Variants in SET observed in about 807,000 individuals in gnomAD.
The protein encoded by SET is SET nuclear proto-oncogene.
SET carries 4 observed loss-of-function variants against 39.0 expected under a neutral mutation model. That is an observed-to-expected ratio of 0.10 (90% confidence interval 0.05 to 0.23). The LOEUF is 0.23. Ranked by LOEUF, SET falls within the 10% of genes least tolerant of loss-of-function variation. SET has a pLI of 1.00. For synonymous variants in SET, 114 were observed against 115.9 expected (o/e 0.98, Z 0.11); for missense variants, 137 against 329.7 (o/e 0.42, Z 4.53).
Position 128,689,452 on chromosome 9 carries a change from G to A in SET, c.-131G>A. The A allele has an allele frequency of 2.5e-6, 1 of 406,220 alleles. No individual in the cohort carries two copies. Among genetic ancestry groups the A allele is most frequent in the East Asian group, 5.5e-5 (1 of 18,322 alleles). The allele number at this position is 406,220 out of a possible 1,614,324, so 25.2% of individuals were successfully genotyped here. On this transcript the variant is annotated 5_prime_UTR_variant, in exon 1 of 8. Transcript: ENST00000322030. ...CGAGCGAGGGGGAGGGAGAGCGAGCGAGCGCCGGGAGGAGGCGGCCGGACC... is the reference window on the plus strand; with the variant it reads ...CGAGCGAGGGGGAGGGAGAGCGAGCAAGCGCCGGGAGGAGGCGGCCGGACC...
exon 1 of SET, chr9:128,683,835 T>G (rs1303763329): frequency 6.3e-6 from 9 of 1,418,310 alleles, no homozygotes; most frequent in East Asian, 2.5e-5. Context: ...GTCTCAGTGT[T>G]CAGCCTGCTT....
At position 128,692,684 on chromosome 9, in the gene SET, A is replaced by G; in HGVS notation, c.297A>G (p.Glu99=). 1 of 1,611,382 alleles carries G rather than the reference A, an allele frequency of 6.2e-7. No individual in the cohort carries two copies. The highest frequency in any genetic ancestry group is 2.2e-5 in the East Asian group (1 of 44,862). The change falls in exon 4 of 8, where the codon GAA becomes GAG. Residue 99 remains glutamate (E), a synonymous_variant. Transcript: ENST00000322030. ...HPQVSALLGE[E]DEEALHYLTR... ...TAGTGTCTGCACTGCTTGGGGAGGA[A>G]GATGAAGAGGCACTGCATTATTTGA...
chr9:128,691,786 C>G, intron 2 of SET, 72 bp from the exon 3 acceptor site: 2 of 1,427,460 alleles, frequency 1.4e-6, no homozygotes, highest in Non-Finnish European at 1.9e-6. Context: ...AGTAAATACA[C>G]TCTGTAATCT....
At chr9:128,693,102 A>G in intron 5 of SET, 121 bp downstream of exon 5, 1 of 684,708 alleles carries the variant, frequency 1.5e-6, no homozygotes, top group Non-Finnish European at 2.5e-6. Flanking sequence ...AAAATATAAA[A>G]CGTTCCAGTG....
intron 1 of SET, chr9:128,689,904 G>T (rs1316004931): frequency 1.1e-5 from 2 of 178,624 alleles, no homozygotes; most frequent in South Asian, 1.7e-4. Context: ...GCGGGCGGAG[G>T]AGACCCCCCC....
Position 128,693,718 on chromosome 9 carries a change from C to A in SET, c.573C>A (p.Thr191=), listed in dbSNP as rs756532220. ...RQHEEPESFF[T]WFTDHSDAGA... is the part of the protein sequence containing the mutation. ...ATGAGGAACCAGAGAGCTTCTTTAC[C>A]TGGTTTACTGACCATTCTGATGCAG... The change falls in exon 6 of 8, where the codon ACC becomes ACA. Residue 191 remains threonine, a synonymous_variant. Transcript: ENST00000322030. The A allele has an allele frequency of 6.2e-7, 1 of 1,613,632 alleles. No homozygotes were observed. Among genetic ancestry groups the A allele is most frequent in the African/African-American group, 1.3e-5 (1 of 74,900 alleles).
At chr9:128,685,113 G>C, upstream of SET, 2 of 1,556,354 alleles carry the variant, frequency 1.3e-6, no homozygotes, top group Non-Finnish European at 1.7e-6. Flanking sequence ...CCTACCTCAG[G>C]GCTCAGTGTG....
At chr9:128,688,277 G>C (rs1265261879), upstream of SET, among the ~76,000 whole-genome samples, 1 of 152,184 alleles carries the variant, frequency 6.6e-6, no homozygotes, top group Non-Finnish European at 1.5e-5. Context: ...GTCTTGGGGT[G>C]CTGGAGGGAC....
chr9:128,696,284 C>G lies in SET; in HGVS notation c.*1620C>G, dbSNP rs1207187535. On this transcript the variant is annotated 3_prime_UTR_variant, in exon 8 of 8. Transcript: ENST00000322030. ...CATCAATAGGCAAAAGTGTAACAACCTATCTAGATGGATAGTATGTAATTT... is the reference window on the plus strand; with the variant it reads ...CATCAATAGGCAAAAGTGTAACAACGTATCTAGATGGATAGTATGTAATTT... 5.1e-6 allele frequency: 1 copy of G among 196,180 alleles called. No individual in the cohort carries two copies. Among genetic ancestry groups the G allele is most frequent in the Non-Finnish European group, 1.1e-5 (1 of 93,402 alleles). The allele number at this position is 196,180 out of a possible 1,614,324, so 12.2% of individuals were successfully genotyped here.
At chr9:128,688,304 G>A (rs148957873), upstream of SET, among the ~76,000 whole-genome samples, 4 of 152,302 alleles carry the variant, frequency 2.6e-5, no homozygotes, top group East Asian at 3.9e-4. Flanking sequence ...TGGGGCATCC[G>A]CATTACTTGA....
chr9:128,691,963 A>G lies in SET; in HGVS notation c.237A>G (p.Pro79=). 6.2e-7 allele frequency: 1 copy of G among 1,613,946 alleles called. No individual in the cohort carries two copies. The highest frequency in any genetic ancestry group is 8.5e-7 in the Non-Finnish European group (1 of 1,179,888). ...GGTCAGAATTGATCGCCAAAATCCC[A>G]AATTTTTGGGTAACAACATTTGTCA... ...QKRSELIAKI[P]NFWVTTFVNH... The change falls in exon 3 of 8, where the codon CCA becomes CCG. Residue 79 remains proline, a synonymous_variant. Coordinates refer to ENST00000322030, the MANE Select transcript of SET (RefSeq NM_003011.4).
At chr9:128,685,130 T>C (rs767478470), upstream of SET, 32 of 1,568,128 alleles carry the variant, frequency 2.0e-5, no homozygotes, top group African/African-American at 2.7e-5. Context: ...TGTGGACCTG[T>C]TGGCACTTTT....
Position 128,689,642 on chromosome 9 carries a change from C to G in SET, c.60C>G (p.Ala20=). 1.1e-5 allele frequency: 15 copies of G among 1,312,812 alleles called. No homozygotes were observed. The highest frequency in any genetic ancestry group is 1.5e-5 in the Non-Finnish European group (15 of 1,002,466). 81.3% of individuals were successfully genotyped at this position (1,312,812 alleles called of 1,614,324 possible). A position where few individuals can be genotyped will look rare whatever the true frequency, so the allele number is the denominator to read the frequency against. ...KKELNSNHDG[A]DETSEKEQQE... ...AGCTCAACTCCAACCACGACGGGGC[C>G]GACGAGACCTCAGGTGAGAGCAGCG... Residue 20 remains alanine (A), a synonymous_variant, in exon 1 of 8, where the codon GCC becomes GCG. Coordinates refer to ENST00000322030, the MANE Select transcript of SET (RefSeq NM_003011.4).
chr9:128,688,578 C>T (rs1386439736), upstream of SET, among the ~76,000 whole-genome samples: 22 of 152,202 alleles, frequency 1.4e-4, no homozygotes, highest in Admixed American at 1.4e-3. Context: ...AATGTGGCTT[C>T]AGTGTCGTAA....
At chr9:128,694,559 C>T (rs1018519138) in intron 7 of SET, 82 bp from the exon 8 acceptor site, 1 of 869,212 alleles carries the variant, frequency 1.2e-6, no homozygotes, top group Non-Finnish European at 1.8e-6. Context: ...CCCCCAGGGG[C>T]ACTCGTGGGG....
Position 128,691,913 on chromosome 9 carries a change from C to G in SET, c.187C>G (p.Leu63Val). 6.2e-7 allele frequency: 1 copy of G among 1,613,720 alleles called. No individual in the cohort carries two copies. ...ILKVEQKYNKLRQPFFQKRSE... is the reference protein window; with the variant it reads ...ILKVEQKYNKVRQPFFQKRSE... Reference sequence around the variant, plus strand: ...GAAAGTAGAACAGAAATATAACAAACTCCGCCAACCATTTTTTCAGAAGAG... The same window carrying G: ...GAAAGTAGAACAGAAATATAACAAAGTCCGCCAACCATTTTTTCAGAAGAG... The change falls in exon 3 of 8, where the codon CTC (leucine) becomes GTC (valine). Residue 63 changes from leucine (L) to valine (V), a missense_variant. This residue lies in a region of SET where 59 missense variants were observed against 237.2 expected (regional missense o/e 0.25). Transcript: ENST00000322030.
chr9:128,690,137 C>T, intron 1 of SET: 1 of 205,210 alleles, frequency 4.9e-6, no homozygotes, highest in Non-Finnish European at 8.6e-6. Flanking sequence ...GGCGGGGCTT[C>T]TGCCTGGAGC....
chr9:128,687,272 G>A (rs1036757717), upstream of SET, among the ~76,000 whole-genome samples: 8 of 151,834 alleles, frequency 5.3e-5, no homozygotes, highest in African/African-American at 9.7e-5. Flanking sequence ...GACACTCACC[G>A]TGCACTGTCT....
At chr9:128,692,847 T>A (rs1861597527) in intron 4 of SET, 21 bp from the exon 5 acceptor site, 2 of 1,525,846 alleles carry the variant, frequency 1.3e-6, no homozygotes, top group South Asian at 2.3e-5. Flanking sequence ...ATATTTCTAA[T>A]CTTTCAATTA....
Sources: allele counts gnomAD v4.1 joint callset (sites outside exome capture counted in the v4.1 genomes callset), GRCh38; gene constraint gnomAD v4.1.1; regional missense constraint gnomAD v4.1.1; transcripts MANE v1.5; gene names NCBI Gene and HGNC (gene_info 2026-07-23, HGNC 2026-07-21).